ZFP90: variants seen among roughly 807,000 people sequenced by gnomAD.
ZFP90 encodes ZFP90 zinc finger protein.
A neutral mutation model predicts 60.8 loss-of-function variants in ZFP90; 38 were observed. The observed-to-expected ratio is 0.62, with a 90% CI of 0.48 to 0.82. ZFP90 has a LOEUF of 0.82. ZFP90 is among the 40% of genes least tolerant of loss of function. The pLI is 0.00. For synonymous variants in ZFP90, 287 were observed against 264.8 expected (o/e 1.08, Z -0.82); for missense variants, 711 against 759.1 (o/e 0.94, Z 0.74).
intron 4 of ZFP90, 136 bp downstream of exon 4, chr16:68,558,704 C>T (rs1267227126): frequency 2.9e-6 from 2 of 684,926 alleles, no homozygotes; most frequent in Non-Finnish European, 2.5e-6. Context: ...CTGGCCGACA[C>T]CTTGTAGGTC....
upstream of ZFP90, among the ~76,000 whole-genome samples, chr16:68,536,182 T>C (rs139466564): frequency 3.8e-3 from 583 of 152,342 alleles, 4 homozygotes; most frequent in Middle Eastern, 0.02. Context: ...GTGCAGGTTT[T>C]AAAACCTCTG....
intron 4 of ZFP90, among the ~76,000 whole-genome samples, chr16:68,560,544 TA>T (rs2091423148): frequency 2.0e-5 from 3 of 151,416 alleles, no homozygotes; most frequent in Non-Finnish European, 4.4e-5. Context: ...GGATTTTATT[TA>T]TTTATTTATT....
chr16:68,551,338 T>G (rs890055031), intron 2 of ZFP90, among the ~76,000 whole-genome samples: 1 of 152,150 alleles, frequency 6.6e-6, no homozygotes, highest in Non-Finnish European at 1.5e-5. Context: ...TATATGCTGT[T>G]CCTAGTTCCT....
exon 3 of ZFP90, chr16:68,576,011 C>T (rs929702746): frequency 3.6e-5 from 14 of 388,142 alleles, no homozygotes; most frequent in African/African-American, 2.7e-4. Flanking sequence ...GCAAATGTTC[C>T]CCTTGCAGCA....
upstream of ZFP90, chr16:68,539,160 C>T (rs1490569099): frequency 6.6e-6 from 1 of 152,356 alleles, no homozygotes; most frequent in African/African-American, 2.4e-5. Flanking sequence ...CCTCGGCCCT[C>T]GCAAGGGTCC....
At chr16:68,568,735 G>T (rs1254393615), downstream of ZFP90, among the ~76,000 whole-genome samples, 1 of 152,170 alleles carries the variant, frequency 6.6e-6, no homozygotes, top group African/African-American at 2.4e-5. Context: ...CTGGAGTGCA[G>T]CAGTACGATC....
chr16:68,544,913 T>A (rs2091119706), intron 2 of ZFP90, among the ~76,000 whole-genome samples: 1 of 124,526 alleles, frequency 8.0e-6, no homozygotes, highest in Non-Finnish European at 1.6e-5. Flanking sequence ...AGATGGAGTC[T>A]CATTCTGTTG....
chr16:68,539,961 TGG>T, intron 2 of ZFP90, 136 bp downstream of exon 2: 1 of 1,288,756 alleles, frequency 7.8e-7, no homozygotes, highest in Non-Finnish European at 1.1e-6. Flanking sequence ...CTCCTGGCCA[TGG>T]AAAACCCCAG....
At chr16:68,541,257 C>T (rs821168) in intron 2 of ZFP90, among the ~76,000 whole-genome samples, 116,244 of 151,752 alleles carry the variant, frequency 0.77, 44,613 homozygotes, top group East Asian at 0.82. Flanking sequence ...AGTCTGGTCT[C>T]GAACTCCTGA....
intron 2 of ZFP90, 110 bp from the exon 3 acceptor site, chr16:68,557,888 C>A: frequency 6.9e-7 from 1 of 1,452,100 alleles, no homozygotes; most frequent in Admixed American, 1.8e-5. Flanking sequence ...CCTCCTCAAT[C>A]TAACAAATGT....
rs1442868796 is a variant in ZFP90, at chr16:68,565,478, C to T, written c.*780C>T. 34 of 985,446 alleles carry T rather than the reference C, an allele frequency of 3.5e-5. No individual in the cohort carries two copies. Among genetic ancestry groups the T allele is most frequent in the Non-Finnish European group, 3.7e-5 (31 of 829,942 alleles). The allele number at this position is 985,446 out of a possible 1,614,324, so 61.0% of individuals were successfully genotyped here. A position where few individuals can be genotyped will look rare whatever the true frequency, so the allele number is the denominator to read the frequency against. ...TATCACAAACTATTTAAAGCAACTT[C>T]TTGGAGGCTTACAAACCACAATTTA... On this transcript the variant is annotated 3_prime_UTR_variant, in exon 5 of 5. Coordinates refer to ENST00000563169, the MANE Select transcript of ZFP90 (RefSeq NM_001305203.2).
chr16:68,541,124 C>T (rs964032497), intron 2 of ZFP90, among the ~76,000 whole-genome samples: 1 of 151,936 alleles, frequency 6.6e-6, no homozygotes, highest in African/African-American at 2.4e-5. Context: ...CAACCTCCAC[C>T]TCCTGGGTTC....
intron 2 of ZFP90, among the ~76,000 whole-genome samples, chr16:68,553,375 A>G (rs1210299966): frequency 1.3e-5 from 2 of 151,988 alleles, no homozygotes; most frequent in Non-Finnish European, 2.9e-5. Flanking sequence ...TCAAGGGAAA[A>G]GGCGGAACAC....
intron 2 of ZFP90, chr16:68,555,158 C>T (rs1311945795): frequency 1.3e-5 from 2 of 152,272 alleles, no homozygotes; most frequent in African/African-American, 4.8e-5. Flanking sequence ...TGAGCGCCTG[C>T]AGCACCTCAC....
chr16:68,551,343 G>C (rs2091257250), intron 2 of ZFP90, among the ~76,000 whole-genome samples: 1 of 150,732 alleles, frequency 6.6e-6, no homozygotes, highest in South Asian at 2.1e-4. Context: ...GCTGTTCCTA[G>C]TTCCTTGCTT....
intron 2 of ZFP90, among the ~76,000 whole-genome samples, chr16:68,550,311 G>T (rs1026687109): frequency 1.3e-5 from 2 of 152,142 alleles, no homozygotes. Flanking sequence ...CCAGGCTGGA[G>T]TGTAGTGGCG....
At position 68,563,113 on chromosome 16, in the gene ZFP90, C is replaced by T; in HGVS notation, c.326C>T (p.Thr109Ile). The T allele has an allele frequency of 6.2e-7, 1 of 1,614,138 alleles. No homozygotes were observed. The highest frequency in any genetic ancestry group is 8.5e-7 in the Non-Finnish European group (1 of 1,180,024). ...GATGTATCAGAAGTATCCCACTGCACACATGATCTCTTACATGCTACATTA... is the reference window on the plus strand; with the variant it reads ...GATGTATCAGAAGTATCCCACTGCATACATGATCTCTTACATGCTACATTA... ...QQDVSEVSHCTHDLLHATLED... is the reference protein window; with the variant it reads ...QQDVSEVSHCIHDLLHATLED... Residue 109 changes from threonine to isoleucine, a missense_variant, in exon 5 of 5, where the codon ACA becomes ATA. Thr to Ile is a moderately conservative substitution (Grantham distance 89). Coordinates refer to ENST00000563169, the MANE Select transcript of ZFP90 (RefSeq NM_001305203.2).
chr16:68,569,738 C>CA (rs1471533149), downstream of ZFP90, among the ~76,000 whole-genome samples: 2 of 149,908 alleles, frequency 1.3e-5, no homozygotes, highest in Non-Finnish European at 3.0e-5. Flanking sequence ...CTGTTTCTAC[C>CA]AAAAATGCAA....
intron 2 of ZFP90, among the ~76,000 whole-genome samples, 162 bp downstream of exon 2, chr16:68,539,987 G>A (rs1428854839): frequency 1.3e-5 from 2 of 152,240 alleles, no homozygotes. Flanking sequence ...TTGGGGAGCT[G>A]GATTCCCAAA....
Sources: allele counts gnomAD v4.1 joint callset (sites outside exome capture counted in the v4.1 genomes callset), GRCh38; gene constraint gnomAD v4.1.1; transcripts MANE v1.5; gene names NCBI Gene and HGNC (gene_info 2026-07-23, HGNC 2026-07-21).